The following TNR variants were observed in gnomAD, a reference collection of about 807,000 sequenced individuals.
TNR encodes tenascin-R.
In TNR, 45 loss-of-function variants were observed where a neutral mutation model predicts 150.4. The ratio of observed to expected loss-of-function variants is 0.30; its 90% CI spans 0.24 to 0.38. The LOEUF is 0.38. Ranked by LOEUF, TNR falls within the 10% of genes least tolerant of loss-of-function variation. The pLI is 1.00. For missense variants in TNR, 1,544 were observed against 1,759.1 expected (o/e 0.88, Z 2.19); for synonymous variants, 687 against 678.4 (o/e 1.01, Z -0.20).
intron 2 of TNR, among the ~76,000 whole-genome samples, chr1:175,439,551 T>C (rs1655683703): frequency 6.6e-6 from 1 of 152,062 alleles, no homozygotes; most frequent in South Asian, 2.1e-4. Flanking sequence ...AAAGAGCTTC[T>C]GCACAGCAAA....
chr1:175,471,503 T>C (rs561214843), intron 2 of TNR, among the ~76,000 whole-genome samples: 39 of 152,172 alleles, frequency 2.6e-4, no homozygotes, highest in Non-Finnish European at 4.0e-4. Flanking sequence ...CTGAGGACTG[T>C]AGGCAATTGT....
chr1:175,517,776 A>T (rs1231638345), intron 2 of TNR, among the ~76,000 whole-genome samples: 2 of 152,142 alleles, frequency 1.3e-5, no homozygotes, highest in African/African-American at 4.8e-5. Flanking sequence ...GCTGACTCTG[A>T]TCCCTTTATT....
chr1:175,572,571 T>A, intron 1 of TNR, among the ~76,000 whole-genome samples: 1 of 152,140 alleles, frequency 6.6e-6, no homozygotes, highest in Non-Finnish European at 1.5e-5. Flanking sequence ...GGCACTGTCA[T>A]CCATCTGTGG....
chr1:175,366,277 A>G, intron 10 of TNR, 139 bp from the exon 11 acceptor site: 3 of 884,402 alleles, frequency 3.4e-6, no homozygotes, highest in Middle Eastern at 3.0e-4. Flanking sequence ...CACTTATCTA[A>G]TATTTTGCTA....
chr1:175,684,690 C>G (rs1666136893), intron 1 of TNR, among the ~76,000 whole-genome samples: 1 of 152,168 alleles, frequency 6.6e-6, no homozygotes, highest in African/African-American at 2.4e-5. Flanking sequence ...TCTTTGAATA[C>G]CTTCTCTGTC....
rs764288978 is a variant in TNR at position 175,406,257 on chromosome 1, T to G, written c.458A>C (p.Asp153Ala). 5 of 1,614,100 alleles carry G rather than the reference T, an allele frequency of 3.1e-6. No homozygotes were observed. Among genetic ancestry groups the G allele is most frequent in the Non-Finnish European group, 4.2e-6 (5 of 1,180,012 alleles). The change falls in exon 3 of 23, where the codon GAC (aspartate) becomes GCC (alanine). Residue 153 changes from aspartate (D) to alanine (A), a missense_variant. Physicochemically the swap from Asp to Ala is moderately radical, Grantham distance 126. Coordinates refer to ENST00000367674, the MANE Select transcript of TNR (RefSeq NM_003285.3). ...TTGGCAGCAGTTGGCGTTGCACTGG[T>G]CTCGCAGCACCGACACCTCCCTCTC... is the stretch of plus-strand genomic sequence containing the variant. ...MLEREVSVLR[D>A]QCNANCCQES...
chr1:175,551,106 A>G (rs1353167439), intron 1 of TNR, among the ~76,000 whole-genome samples: 1 of 152,220 alleles, frequency 6.6e-6, no homozygotes, highest in Non-Finnish European at 1.5e-5. Context: ...GAAATATATA[A>G]GAAAGTTCTC....
chr1:175,559,078 C>T (rs74127344), intron 1 of TNR, among the ~76,000 whole-genome samples: 7,210 of 152,158 alleles, frequency 0.047, 574 homozygotes, highest in African/African-American at 0.17. Context: ...CCTAAAACCA[C>T]TCTGAAAACT....
chr1:175,552,451 A>G (rs1429797208), intron 1 of TNR, among the ~76,000 whole-genome samples: 3 of 152,200 alleles, frequency 2.0e-5, no homozygotes, highest in Non-Finnish European at 4.4e-5. Context: ...GTCCTTGCAC[A>G]TATGTTATCT....
At chr1:175,377,837 T>C (rs1464993838) in intron 9 of TNR, among the ~76,000 whole-genome samples, 4 of 152,182 alleles carry the variant, frequency 2.6e-5, no homozygotes, top group Non-Finnish European at 5.9e-5. Context: ...TGTGAGCACA[T>C]TGGCAGCTCC....
chr1:175,503,490 A>G (rs1417955818), intron 2 of TNR, among the ~76,000 whole-genome samples: 1 of 152,202 alleles, frequency 6.6e-6, no homozygotes, highest in Non-Finnish European at 1.5e-5. Flanking sequence ...GTCTTCGTCT[A>G]TGGTATTTAT....
At position 175,550,809 on chromosome 1, in the gene TNR, A is replaced by ATT. The variant is rs1660909388; in HGVS notation, c.-164-22441_-164-22440insAA. On this transcript the variant is annotated intron_variant, in intron 1 of 22. Transcript: ENST00000367674. ...AAAACCTAAGCAAAAACAATATTTC[A>ATT]TCCATGAAACAACAAAATAGGATCC... Among the ~76,000 whole-genome samples, 3 of 152,200 alleles carry ATT rather than the reference A, an allele frequency of 2.0e-5. No individual in the cohort carries two copies. In the South Asian group the frequency reaches 6.2e-4, roughly 32 times the overall value.
At chr1:175,658,987 C>G (rs1267005044) in intron 1 of TNR, among the ~76,000 whole-genome samples, 1 of 152,216 alleles carries the variant, frequency 6.6e-6, no homozygotes, top group Admixed American at 6.5e-5. Flanking sequence ...GATTCTCAAA[C>G]TAAGCACTTT....
chr1:175,631,587 T>C (rs1277414229), intron 1 of TNR, among the ~76,000 whole-genome samples: 10 of 152,212 alleles, frequency 6.6e-5, no homozygotes, highest in Admixed American at 6.5e-4. Context: ...AGCTAAAAGA[T>C]TGAACACCTG....
intron 3 of TNR, among the ~76,000 whole-genome samples, chr1:175,405,192 A>C (rs1344255951): frequency 6.6e-6 from 1 of 152,228 alleles, no homozygotes; most frequent in Non-Finnish European, 1.5e-5. Context: ...ACCTGTGCAC[A>C]AAGGGGTACA....
At chr1:175,588,963 G>T (rs777040054) in intron 1 of TNR, among the ~76,000 whole-genome samples, 4 of 152,088 alleles carry the variant, frequency 2.6e-5, no homozygotes, top group Non-Finnish European at 4.4e-5. Flanking sequence ...TGCATAAGAA[G>T]CCCAAGCACC....
chr1:175,656,507 G>A (rs925789874), intron 1 of TNR: 6 of 152,252 alleles, frequency 3.9e-5, no homozygotes, highest in Non-Finnish European at 7.3e-5. Flanking sequence ...CTTTGGCTGG[G>A]GACCCAGTGT....
intron 18 of TNR, among the ~76,000 whole-genome samples, chr1:175,340,363 G>A (rs2101994341): frequency 6.6e-6 from 1 of 152,326 alleles, no homozygotes; most frequent in South Asian, 2.1e-4. Flanking sequence ...TGGCATTAAT[G>A]TAAAGACAAC....
At chr1:175,426,969 T>A (rs1160896679) in intron 2 of TNR, among the ~76,000 whole-genome samples, 4 of 135,654 alleles carry the variant, frequency 2.9e-5, no homozygotes, top group Middle Eastern at 3.6e-3. Context: ...TAAAATATAT[T>A]ATATATATAT....
Sources: gnomAD v4.1 joint callset for allele counts (sites outside exome capture counted in the v4.1 genomes callset) on GRCh38, gnomAD v4.1.1 for gene constraint, MANE v1.5 for transcripts, NCBI Gene and HGNC (gene_info 2026-07-23, HGNC 2026-07-21) for gene names.